Variants in FAR2 observed in about 807,000 individuals in gnomAD.
FAR2 encodes the protein fatty acyl-CoA reductase 2, also known as epididymis secretory protein Li 81.
Under a neutral mutation model 56.0 loss-of-function variants are expected in FAR2, and 19 were observed. That is an observed-to-expected ratio of 0.34 (90% CI 0.24 to 0.50). The LOEUF (loss-of-function observed/expected upper bound fraction) is 0.50, where lower values mean the gene tolerates loss of function less well. FAR2 is among the 20% of genes least tolerant of loss of function. FAR2 has a pLI of 0.98. For synonymous variants in FAR2, 219 were observed against 218.8 expected (o/e 1.00, Z -0.01); for missense variants, 508 against 642.2 (o/e 0.79, Z 2.26).
intron 1 of FAR2, among the ~76,000 whole-genome samples, chr12:29,252,633 GA>G (rs1020737405): frequency 6.6e-6 from 1 of 152,130 alleles, no homozygotes; most frequent in African/African-American, 2.4e-5. Context: ...CAGATATCAC[GA>G]AAAAAAGTAA....
chr12:29,166,478 G>T (rs1389002879), intron 1 of FAR2, among the ~76,000 whole-genome samples: 1 of 152,114 alleles, frequency 6.6e-6, no homozygotes, highest in Non-Finnish European at 1.5e-5. Context: ...CTCCTCTTTG[G>T]CAATTTCCAT....
intron 1 of FAR2, among the ~76,000 whole-genome samples, chr12:29,255,390 C>A (rs961532619): frequency 6.6e-6 from 1 of 152,142 alleles, no homozygotes; most frequent in African/African-American, 2.4e-5. Context: ...TCTAAAGTTC[C>A]TTTTTCCAAA....
chr12:29,248,041 A>G (rs199547427), intron 1 of FAR2, among the ~76,000 whole-genome samples: 2 of 152,192 alleles, frequency 1.3e-5, no homozygotes, highest in East Asian at 3.8e-4. Flanking sequence ...ATGTATTGTT[A>G]TGTGTGACAT....
intron 1 of FAR2, among the ~76,000 whole-genome samples, chr12:29,224,709 A>G (rs1947738049): frequency 1.3e-5 from 2 of 152,284 alleles, no homozygotes; most frequent in East Asian, 1.9e-4. Flanking sequence ...TGGCTTCTCT[A>G]TGGGACATGT....
chr12:29,256,747 G>A (rs893554261), intron 1 of FAR2, among the ~76,000 whole-genome samples: 1 of 152,180 alleles, frequency 6.6e-6, no homozygotes, highest in Non-Finnish European at 1.5e-5. Context: ...GCACTCGGCC[G>A]GCCCTGCCAG....
chr12:29,297,169 G>C lies in FAR2; in HGVS notation c.514G>C (p.Val172Leu), dbSNP rs149312220. 1.9e-6 allele frequency: 3 copies of C among 1,611,908 alleles called. No homozygotes were observed. Among genetic ancestry groups the C allele is most frequent in the Non-Finnish European group, 2.5e-6 (3 of 1,179,344 alleles). Residue 172 changes from valine (V) to leucine (L), a missense_variant, in exon 4 of 12, where the codon GTG becomes CTG. By Grantham distance (32) the Val-to-Leu change is conservative (BLOSUM62 1). Transcript: ENST00000536681. ...CGATGAAGTTATCTATCCGTGCCCT[G>C]TGGAGCCAAAAAAAATCATTGATTC... Reference protein sequence around the residue: ...HIDEVIYPCPVEPKKIIDSLE... With the variant: ...HIDEVIYPCPLEPKKIIDSLE...
At chr12:29,211,575 T>C (rs922587639) in intron 1 of FAR2, among the ~76,000 whole-genome samples, 2 of 152,154 alleles carry the variant, frequency 1.3e-5, no homozygotes, top group South Asian at 2.1e-4. Context: ...TCTGCTCCTA[T>C]TGCAGTAGTT....
At chr12:29,296,323 TA>T (rs1374809797) in intron 3 of FAR2, among the ~76,000 whole-genome samples, 1 of 152,234 alleles carries the variant, frequency 6.6e-6, no homozygotes, top group African/African-American at 2.4e-5. Context: ...GCAGTGCTCC[TA>T]GCTTTTCACC....
intron 3 of FAR2, among the ~76,000 whole-genome samples, chr12:29,295,693 C>T (rs1489058980): frequency 2.7e-5 from 4 of 148,730 alleles, no homozygotes; most frequent in African/African-American, 9.8e-5. Context: ...CAACTTTGGA[C>T]ATTTCTTCCC....
At chr12:29,263,482 T>A (rs1376618073) in intron 1 of FAR2, among the ~76,000 whole-genome samples, 1 of 151,664 alleles carries the variant, frequency 6.6e-6, no homozygotes, top group African/African-American at 2.4e-5. Context: ...AAAGTAGAAG[T>A]CAACAACAAG....
At chr12:29,202,490 A>G (rs898481533) in intron 1 of FAR2, among the ~76,000 whole-genome samples, 5 of 152,218 alleles carry the variant, frequency 3.3e-5, no homozygotes, top group Non-Finnish European at 7.3e-5. Context: ...TGCTATTAAA[A>G]AACAAGTCTG....
At chr12:29,270,106 A>G (rs1156304087) in intron 1 of FAR2, among the ~76,000 whole-genome samples, 1 of 152,172 alleles carries the variant, frequency 6.6e-6, no homozygotes, top group African/African-American at 2.4e-5. Context: ...AGCACTTACT[A>G]TATTGTATTT....
At chr12:29,204,847 G>A (rs563100348) in intron 1 of FAR2, among the ~76,000 whole-genome samples, 12 of 152,016 alleles carry the variant, frequency 7.9e-5, no homozygotes, top group African/African-American at 1.2e-4. Flanking sequence ...TCACTATCAC[G>A]GGAACAGCAC....
chr12:29,318,399 T>G (rs1446623219), intron 9 of FAR2, among the ~76,000 whole-genome samples: 1 of 152,150 alleles, frequency 6.6e-6, no homozygotes, highest in Non-Finnish European at 1.5e-5. Flanking sequence ...ATATCAGGAT[T>G]GGAAGAGGGC....
chr12:29,164,224 A>G (rs1010941260), intron 1 of FAR2, among the ~76,000 whole-genome samples: 3 of 152,158 alleles, frequency 2.0e-5, no homozygotes, highest in Admixed American at 6.5e-5. Context: ...TAGTACACCT[A>G]TTTAGGTCTC....
At chr12:29,308,330 C>T (rs1949287049) in intron 5 of FAR2, among the ~76,000 whole-genome samples, 1 of 152,052 alleles carries the variant, frequency 6.6e-6, no homozygotes, top group Non-Finnish European at 1.5e-5. Context: ...GTCTGTGAAG[C>T]TTTGGGGTAG....
chr12:29,220,983 A>G (rs1321514222), intron 1 of FAR2, among the ~76,000 whole-genome samples: 1 of 152,026 alleles, frequency 6.6e-6, no homozygotes, highest in Non-Finnish European at 1.5e-5. Context: ...GTCCTTATCC[A>G]CATTGGGCTG....
At chr12:29,300,654 G>GTTA (rs1487598375) in intron 4 of FAR2, among the ~76,000 whole-genome samples, 1 of 151,886 alleles carries the variant, frequency 6.6e-6, no homozygotes, top group Non-Finnish European at 1.5e-5. Flanking sequence ...TGTTGTTGTT[G>GTTA]TTGTTAACAG....
chr12:29,182,535 C>T (rs1950001279), intron 1 of FAR2, among the ~76,000 whole-genome samples: 1 of 152,172 alleles, frequency 6.6e-6, no homozygotes, highest in Non-Finnish European at 1.5e-5. Flanking sequence ...TTACAGAGTG[C>T]TGATTGGTGC....
Sources: gnomAD v4.1 joint callset for allele counts (sites outside exome capture counted in the v4.1 genomes callset) on GRCh38, gnomAD v4.1.1 for gene constraint, MANE v1.5 for transcripts, NCBI Gene and HGNC (gene_info 2026-07-23, HGNC 2026-07-21) for gene names.